TSPAN15: variants seen among roughly 807,000 people sequenced by gnomAD.
The protein encoded by TSPAN15 is tetraspanin-15.
TSPAN15 carries 20 observed loss-of-function variants against 34.5 expected under a neutral mutation model. The ratio of observed to expected loss-of-function variants is 0.58; its 90% CI spans 0.41 to 0.84. The LOEUF (loss-of-function observed/expected upper bound fraction) is 0.84, where lower values mean the gene tolerates loss of function less well. TSPAN15 is among the 40% of genes least tolerant of loss of function. The probability of loss-of-function intolerance (pLI) is 0.00; values close to 1 mark genes in which losing one functional copy is unlikely to be tolerated. For synonymous variants in TSPAN15, 155 were observed against 153.9 expected, an observed-to-expected ratio of 1.01 and a Z score of -0.05; for missense variants, 313 against 386.1, an observed-to-expected ratio of 0.81 and a Z score of 1.59.
At chr10:69,527,110 G>A in the TSPAN15 span, among the ~76,000 whole-genome samples, 1 of 147,994 alleles carries the variant, frequency 6.8e-6, no homozygotes, top group African/African-American at 2.5e-5. Flanking sequence ...AATAAGTTGT[G>A]TTATGTCCAT....
the TSPAN15 span, among the ~76,000 whole-genome samples, chr10:69,524,583 A>G: frequency 6.8e-6 from 1 of 147,396 alleles, no homozygotes; most frequent in African/African-American, 2.5e-5. Context: ...CAAACTATGC[A>G]GCAGTTAAGT....
At chr10:69,462,397 T>C (rs10823382) in intron 1 of TSPAN15, among the ~76,000 whole-genome samples, 60,203 of 151,742 alleles carry the variant, frequency 0.4, 12,471 homozygotes, top group Non-Finnish European at 0.45. Flanking sequence ...TGCAGTGGCG[T>C]GATCTCGGCT....
intron 3 of TSPAN15, among the ~76,000 whole-genome samples, chr10:69,491,016 G>A (rs1395567270): frequency 6.6e-6 from 1 of 152,204 alleles, no homozygotes; most frequent in Non-Finnish European, 1.5e-5. Flanking sequence ...CCACGGGTGT[G>A]CCCCACTGTG....
downstream of TSPAN15, among the ~76,000 whole-genome samples, chr10:69,509,433 AT>A (rs58393590): frequency 0.47 from 69,172 of 148,018 alleles, 16,692 homozygotes; most frequent in African/African-American, 0.62. Context: ...GGGTTGTTTG[AT>A]TTTTTTTTTT....
chr10:69,462,329 A>G (rs1326883541), intron 1 of TSPAN15, among the ~76,000 whole-genome samples: 1 of 149,206 alleles, frequency 6.7e-6, no homozygotes, highest in African/African-American at 2.5e-5. Context: ...TTTTTATTTT[A>G]TTTTTTAAGT....
chr10:69,486,517 C>T (rs1047178120), intron 3 of TSPAN15, among the ~76,000 whole-genome samples: 1 of 152,350 alleles, frequency 6.6e-6, no homozygotes, highest in Non-Finnish European at 1.5e-5. Context: ...TAGCTCACTG[C>T]AGCCTCGAAC....
intron 1 of TSPAN15, among the ~76,000 whole-genome samples, chr10:69,470,671 AAGCCCAGGAGTCCGAGACC>A (rs1841485968): frequency 1.3e-5 from 2 of 152,156 alleles, no homozygotes; most frequent in Admixed American, 6.5e-5. Context: ...AGGATTGCTC[AAGCCCAGGAGTCCGAGACC>A]AGCCTGGGCA....
At position 69,483,702 on chromosome 10, in the gene TSPAN15, CCTGGTCCTGT is replaced by C; in HGVS notation, c.112_121del (p.Val38TrpfsTer74). On this transcript the variant is annotated frameshift_variant, in exon 2 of 8. Coordinates refer to ENST00000373290, the MANE Select transcript of TSPAN15 (RefSeq NM_012339.5). LOFTEE classifies it high-confidence loss of function. The stretch of plus-strand genomic sequence containing the variant: ...TTTTCTTGCTGCAGCTGATTGGGGC[CCTGGTCCTGT>C]CTGTGGGCATCTATGCAGAGGTTGA... 6.2e-7 allele frequency: 1 copy of C among 1,613,820 alleles called. No individual in the cohort carries two copies. Among genetic ancestry groups the C allele is most frequent in the Non-Finnish European group, 8.5e-7 (1 of 1,179,808 alleles).
At chr10:69,519,813 A>G in the TSPAN15 span, among the ~76,000 whole-genome samples, 3 of 152,028 alleles carry the variant, frequency 2.0e-5, 1 homozygote, top group Admixed American at 2.0e-4. Context: ...GCTCACCGCA[A>G]CCTCTGCCTC....
intron 1 of TSPAN15, among the ~76,000 whole-genome samples, chr10:69,459,660 C>T (rs1000711022): frequency 1.3e-5 from 2 of 152,084 alleles, no homozygotes; most frequent in Non-Finnish European, 2.9e-5. Context: ...AGGGGCCTGG[C>T]TGTGTGAAGA....
At position 69,507,411 on chromosome 10, in the gene TSPAN15, A is replaced by T. The variant is rs1463851030; in HGVS notation, c.*433A>T. 1 of 1,250,670 alleles carries T rather than the reference A, an allele frequency of 8.0e-7. No homozygotes were observed. The highest frequency in any genetic ancestry group is 1.0e-6 in the Non-Finnish European group (1 of 970,620). 77.5% of individuals were successfully genotyped at this position (1,250,670 alleles called of 1,614,324 possible). On this transcript the variant is annotated 3_prime_UTR_variant, in exon 8 of 8. Coordinates refer to ENST00000373290, the MANE Select transcript of TSPAN15 (RefSeq NM_012339.5). ...GGGCATCTGGGGAAGGGCAGGAGGG[A>T]AGAGCTGTCCATGCAGCCACGCCCA...
At chr10:69,460,906 G>A (rs1447430420) in intron 1 of TSPAN15, among the ~76,000 whole-genome samples, 1 of 152,150 alleles carries the variant, frequency 6.6e-6, no homozygotes, top group Non-Finnish European at 1.5e-5. Flanking sequence ...AGCTGAGGAG[G>A]ATGAGCACTT....
rs776108290 is a variant in TSPAN15 at position 69,506,220 on chromosome 10, C to T, written c.715C>T (p.Leu239=). ...CTACACCATCATGGCGGGCATCCTC[C>T]TGGGCATCCTGCTTCCCCAGGTGGG... ...DNYTIMAGIL[L]GILLPQFLGV... Residue 239 remains leucine, a synonymous_variant, in exon 7 of 8, where the codon CTG becomes TTG. Coordinates refer to ENST00000373290, the MANE Select transcript of TSPAN15 (RefSeq NM_012339.5). The surrounding 1 kb of genome is among the most constrained non-coding windows in gnomAD (Gnocchi z 4.7). 10 of 1,614,210 alleles carry T rather than the reference C, an allele frequency of 6.2e-6. No individual in the cohort carries two copies. The South Asian group carries it at 1.1e-4, about 18-fold the overall frequency.
the TSPAN15 span, among the ~76,000 whole-genome samples, chr10:69,539,554 AAGG>A: frequency 9.8e-6 from 1 of 101,574 alleles, no homozygotes; most frequent in African/African-American, 3.7e-5. Context: ...GGAGAAGGAG[AAGG>A]AGAAGGAGAA....
chr10:69,473,295 G>A (rs951719722), intron 1 of TSPAN15, among the ~76,000 whole-genome samples: 16 of 152,218 alleles, frequency 1.1e-4, no homozygotes, highest in African/African-American at 3.6e-4. Context: ...GAGCTTGGAG[G>A]ATGGGTATGA....
At chr10:69,518,146 A>G in the TSPAN15 span, among the ~76,000 whole-genome samples, 6 of 152,208 alleles carry the variant, frequency 3.9e-5, no homozygotes, top group African/African-American at 1.4e-4. Flanking sequence ...AGTGATAAAC[A>G]AAAAATACAG....
At chr10:69,540,546 G>A in the TSPAN15 span, among the ~76,000 whole-genome samples, 2,046 of 152,228 alleles carry the variant, frequency 0.013, 42 homozygotes, top group African/African-American at 0.046. Context: ...GGTCCCCAGC[G>A]ACAAAATGTG....
chr10:69,467,661 C>G (rs1841415160), intron 1 of TSPAN15, among the ~76,000 whole-genome samples: 1 of 151,820 alleles, frequency 6.6e-6, no homozygotes, highest in Non-Finnish European at 1.5e-5. Flanking sequence ...CACACACACA[C>G]ACACACACAC....
intron 5 of TSPAN15, among the ~76,000 whole-genome samples, chr10:69,503,125 G>T (rs977092066): frequency 6.6e-6 from 1 of 152,206 alleles, no homozygotes; most frequent in Non-Finnish European, 1.5e-5. Flanking sequence ...TGGCCTGGAA[G>T]GGCCAAAAAC....
Sources: gnomAD v4.1 joint callset for allele counts (sites outside exome capture counted in the v4.1 genomes callset) on GRCh38, gnomAD v4.1.1 for gene constraint, Gnocchi (gnomAD v3.1) non-coding constraint, MANE v1.5 for transcripts, NCBI Gene and HGNC (gene_info 2026-07-23, HGNC 2026-07-21) for gene names.